The following DRC9 variants were observed in gnomAD, a reference collection of about 807,000 sequenced individuals.
DRC9 encodes dynein regulatory complex subunit 9, also known as dynein regulatory complex protein 9.
the DRC9 span, among the ~76,000 whole-genome samples, chr3:197,926,510 C>T: frequency 2.0e-4 from 31 of 152,078 alleles, no homozygotes; most frequent in Non-Finnish European, 4.0e-4. Flanking sequence ...TCTATTTTAC[C>T]GATGAGAAAA....
chr3:197,904,063 T>C, the DRC9 span, among the ~76,000 whole-genome samples: 217 of 60,344 alleles, frequency 3.6e-3, 1 homozygote, highest in Middle Eastern at 0.016. Context: ...CATATATATA[T>C]ATACATACAT....
chr3:197,948,998 C>T, the DRC9 span, among the ~76,000 whole-genome samples: 1 of 152,130 alleles, frequency 6.6e-6, no homozygotes, highest in Non-Finnish European at 1.5e-5. Flanking sequence ...TGTTCAGGAC[C>T]CTTAAATAGT....
chr3:197,946,644 C>T, the DRC9 span, among the ~76,000 whole-genome samples: 1 of 151,964 alleles, frequency 6.6e-6, no homozygotes, highest in East Asian at 1.9e-4. Context: ...TAAAGCAACT[C>T]TGAGAGACGT....
the DRC9 span, among the ~76,000 whole-genome samples, chr3:197,935,645 G>C: frequency 1.3e-5 from 2 of 151,712 alleles, no homozygotes; most frequent in Admixed American, 6.6e-5. Context: ...ACCACGCCCA[G>C]CTAATTTTTT....
the DRC9 span, chr3:197,950,291 G>A: frequency 8.1e-7 from 1 of 1,230,326 alleles, no homozygotes; most frequent in Non-Finnish European, 1.0e-6. Flanking sequence ...GTGCCTTGGC[G>A]AGTCGCCGGT....
chr3:197,891,854 A>C, the DRC9 span, among the ~76,000 whole-genome samples: 1 of 152,180 alleles, frequency 6.6e-6, no homozygotes, highest in African/African-American at 2.4e-5. Context: ...CTTTGGGAGA[A>C]TGTACATACA....
chr3:197,912,634 CAA>C, the DRC9 span: 2 of 1,381,078 alleles, frequency 1.4e-6, no homozygotes, highest in East Asian at 2.3e-5. Context: ...AAGCAGAGTA[CAA>C]AAAAAAAGTC....
At chr3:197,941,210 C>A in the DRC9 span, among the ~76,000 whole-genome samples, 1 of 143,964 alleles carries the variant, frequency 6.9e-6, no homozygotes, top group Admixed American at 7.0e-5. Flanking sequence ...CTTTCTTTCC[C>A]TTCCTTCCTC....
chr3:197,926,852 C>T, the DRC9 span, among the ~76,000 whole-genome samples: 2 of 152,098 alleles, frequency 1.3e-5, no homozygotes, highest in Non-Finnish European at 2.9e-5. Flanking sequence ...CTGAAGGTTC[C>T]CTCCCCATTT....
chr3:197,893,150 G>C, the DRC9 span, among the ~76,000 whole-genome samples: 1 of 152,032 alleles, frequency 6.6e-6, no homozygotes, highest in Non-Finnish European at 1.5e-5. Flanking sequence ...CTGTGGTCAG[G>C]AGTTCGAGAC....
the DRC9 span, among the ~76,000 whole-genome samples, chr3:197,945,106 A>G: frequency 6.6e-6 from 1 of 152,160 alleles, no homozygotes; most frequent in East Asian, 1.9e-4. Flanking sequence ...ACCGAGCAGG[A>G]CTAGCCTATG....
At chr3:197,928,516 A>G in the DRC9 span, among the ~76,000 whole-genome samples, 1 of 151,792 alleles carries the variant, frequency 6.6e-6, no homozygotes, top group African/African-American at 2.4e-5. Flanking sequence ...TGCCTCGCTA[A>G]TTTTTGCATT....
the DRC9 span, among the ~76,000 whole-genome samples, chr3:197,908,539 C>A: frequency 6.8e-6 from 1 of 147,736 alleles, no homozygotes; most frequent in Non-Finnish European, 1.5e-5. Flanking sequence ...GGCATCCTCC[C>A]AGATGAAGTT....
the DRC9 span, among the ~76,000 whole-genome samples, chr3:197,899,304 A>G: frequency 6.6e-6 from 1 of 152,260 alleles, no homozygotes; most frequent in East Asian, 1.9e-4. Context: ...TTTATGTTTC[A>G]GAGCATAAAA....
the DRC9 span, among the ~76,000 whole-genome samples, chr3:197,928,451 C>T: frequency 2.0e-5 from 3 of 151,286 alleles, no homozygotes; most frequent in Non-Finnish European, 4.4e-5. Context: ...CGGGTTCAAG[C>T]GATTCTCCTG....
the DRC9 span, among the ~76,000 whole-genome samples, chr3:197,905,176 A>C: frequency 1.3e-5 from 2 of 152,210 alleles, no homozygotes; most frequent in Non-Finnish European, 2.9e-5. Context: ...GTAGCAAAAC[A>C]GGGCGACCAT....
chr3:197,896,533 G>A, the DRC9 span, among the ~76,000 whole-genome samples: 4 of 152,110 alleles, frequency 2.6e-5, no homozygotes, highest in Non-Finnish European at 4.4e-5. Flanking sequence ...GTAAGCTGGG[G>A]TAAATCCTTT....
the DRC9 span, chr3:197,950,285 C>G: frequency 8.1e-7 from 1 of 1,230,618 alleles, no homozygotes; most frequent in Non-Finnish European, 1.0e-6. Context: ...GTTCCTGTGC[C>G]TTGGCGAGTC....
the DRC9 span, among the ~76,000 whole-genome samples, chr3:197,910,461 A>G: frequency 6.6e-6 from 1 of 152,246 alleles, no homozygotes; most frequent in Non-Finnish European, 1.5e-5. Flanking sequence ...AACAGGTAAC[A>G]TGATACATAA....
Sources: gnomAD v4.1 joint callset for allele counts (sites outside exome capture counted in the v4.1 genomes callset) on GRCh38, gnomAD v4.1.1 for gene constraint, MANE v1.5 for transcripts, NCBI Gene and HGNC (gene_info 2026-07-23, HGNC 2026-07-21) for gene names.